TET1: variants seen among roughly 807,000 people sequenced by gnomAD.
The protein encoded by TET1 is methylcytosine dioxygenase TET1.
Under a neutral mutation model 148.7 loss-of-function variants are expected in TET1, and 13 were observed. That is an observed-to-expected ratio of 0.09 (90% CI 0.06 to 0.14). TET1 has a LOEUF of 0.14. TET1 is among the 10% of genes least tolerant of loss of function. TET1 has a pLI of 1.00. For synonymous variants in TET1, 907 were observed against 937.2 expected (o/e 0.97, Z 0.59); for missense variants, 2,182 against 2,553.8 (o/e 0.85, Z 3.14).
At chr10:68,689,601 C>G (rs2055562668) in intron 11 of TET1, among the ~76,000 whole-genome samples, 1 of 151,872 alleles carries the variant, frequency 6.6e-6, no homozygotes, top group Non-Finnish European at 1.5e-5. Context: ...CATGGTGAAA[C>G]CCCGTCTCTA....
At chr10:68,634,668 C>T (rs1030360543) in intron 3 of TET1, among the ~76,000 whole-genome samples, 1 of 152,164 alleles carries the variant, frequency 6.6e-6, no homozygotes. Context: ...GTGGGAGATG[C>T]AAATGAGAGA....
intron 3 of TET1, among the ~76,000 whole-genome samples, chr10:68,610,727 G>T (rs2034337310): frequency 6.6e-6 from 1 of 151,962 alleles, no homozygotes; most frequent in African/African-American, 2.4e-5. Context: ...GTGTGATCAT[G>T]GCTCACTGCA....
At chr10:68,611,401 A>G (rs966277668) in intron 3 of TET1, among the ~76,000 whole-genome samples, 9 of 152,050 alleles carry the variant, frequency 5.9e-5, no homozygotes, top group Admixed American at 3.3e-4. Context: ...TGCTTGAACT[A>G]TGGAGCTCAA....
intron 2 of TET1, among the ~76,000 whole-genome samples, chr10:68,593,074 C>CA (rs1349836661): frequency 2.6e-5 from 4 of 151,144 alleles, no homozygotes; most frequent in African/African-American, 9.7e-5. Flanking sequence ...ACTAAATATA[C>CA]AAAAAAAATT....
intron 3 of TET1, among the ~76,000 whole-genome samples, chr10:68,615,448 C>T (rs181947378): frequency 9.0e-4 from 136 of 151,766 alleles, no homozygotes; most frequent in Non-Finnish European, 1.5e-3. Flanking sequence ...CAGGTTCAAG[C>T]GATTCTCCTG....
chr10:68,661,818 AAC>A (rs562339857), intron 6 of TET1, among the ~76,000 whole-genome samples: 1 of 150,552 alleles, frequency 6.6e-6, no homozygotes, highest in Non-Finnish European at 1.5e-5. Context: ...TTGTTAAAAA[AAC>A]ACACACACAC....
intron 3 of TET1, among the ~76,000 whole-genome samples, chr10:68,617,899 G>C (rs547540612): frequency 2.4e-4 from 36 of 151,630 alleles, no homozygotes; most frequent in Non-Finnish European, 4.6e-4. Flanking sequence ...TTACCTTTAC[G>C]TCATCTTGAA....
chr10:68,686,839 G>C, intron 11 of TET1, 132 bp downstream of exon 11: 1 of 819,016 alleles, frequency 1.2e-6, no homozygotes. Context: ...AGAACCAAAA[G>C]TCAACAAAAA....
At chr10:68,580,227 C>T (rs956247736) in intron 2 of TET1, among the ~76,000 whole-genome samples, 3 of 151,204 alleles carry the variant, frequency 2.0e-5, no homozygotes. Context: ...TGTGCCCGGC[C>T]GAGTCTCACT....
chr10:68,657,458 A>G (rs533829331), intron 6 of TET1, among the ~76,000 whole-genome samples: 15 of 152,180 alleles, frequency 9.9e-5, no homozygotes, highest in South Asian at 6.2e-4. Context: ...TTACAGGCGT[A>G]AGCCACCACG....
At chr10:68,561,267 T>A (rs1417348846) in intron 1 of TET1, among the ~76,000 whole-genome samples, 1 of 151,812 alleles carries the variant, frequency 6.6e-6, no homozygotes, top group Non-Finnish European at 1.5e-5. Flanking sequence ...CCCCCATATA[T>A]ATATGAGAGA....
chr10:68,689,213 C>T (rs901358979), intron 11 of TET1, among the ~76,000 whole-genome samples: 2 of 152,080 alleles, frequency 1.3e-5, no homozygotes, highest in African/African-American at 2.4e-5. Context: ...CTTATGTATG[C>T]GTTATCTTTA....
chr10:68,615,597 C>T (rs989533214), intron 3 of TET1, among the ~76,000 whole-genome samples: 3 of 151,710 alleles, frequency 2.0e-5, no homozygotes, highest in East Asian at 1.9e-4. Context: ...CCACCTGCCT[C>T]GGCCTCCCAA....
At chr10:68,571,955 A>T (rs903286476) in intron 1 of TET1, among the ~76,000 whole-genome samples, 1 of 152,104 alleles carries the variant, frequency 6.6e-6, no homozygotes, top group Non-Finnish European at 1.5e-5. Flanking sequence ...TGTCTCTACA[A>T]AAAATACAAA....
At chr10:68,641,695 G>T (rs1199347194) in intron 3 of TET1, among the ~76,000 whole-genome samples, 1 of 151,796 alleles carries the variant, frequency 6.6e-6, no homozygotes, top group East Asian at 1.9e-4. Flanking sequence ...TAGAGACAGG[G>T]TTTCACCATA....
chr10:68,562,931 T>G (rs1041647483), intron 1 of TET1, among the ~76,000 whole-genome samples: 1 of 152,196 alleles, frequency 6.6e-6, no homozygotes, highest in Non-Finnish European at 1.5e-5. Flanking sequence ...TTCCTCAGTT[T>G]TTACTATAAG....
intron 3 of TET1, among the ~76,000 whole-genome samples, chr10:68,606,663 C>T (rs2054130233): frequency 6.6e-6 from 1 of 151,662 alleles, no homozygotes; most frequent in Non-Finnish European, 1.5e-5. Flanking sequence ...CAACTAATCC[C>T]AGACTTCTGG....
intron 8 of TET1, among the ~76,000 whole-genome samples, chr10:68,678,212 G>T (rs1564507391): frequency 6.6e-6 from 1 of 152,192 alleles, no homozygotes; most frequent in African/African-American, 2.4e-5. Context: ...CCATGGAGGG[G>T]ATAATGGTCA....
intron 3 of TET1, among the ~76,000 whole-genome samples, chr10:68,641,643 C>A (rs904372681): frequency 6.9e-6 from 1 of 144,530 alleles, no homozygotes; most frequent in African/African-American, 2.6e-5. Flanking sequence ...GGACTACAGG[C>A]GTACGCCACC....
Sources: allele counts gnomAD v4.1 joint callset (sites outside exome capture counted in the v4.1 genomes callset), GRCh38; gene constraint gnomAD v4.1.1; transcripts MANE v1.5; gene names NCBI Gene and HGNC (gene_info 2026-07-23, HGNC 2026-07-21).